Variants in ZNF407 observed in about 807,000 individuals in gnomAD.
ZNF407 encodes the protein zinc finger protein 407.
In ZNF407, 17 loss-of-function variants were observed where a neutral mutation model predicts 131.2. The observed-to-expected ratio is 0.13, with a 90% confidence interval of 0.09 to 0.19. The LOEUF is 0.19. ZNF407 is among the 10% of genes least tolerant of loss of function. The pLI is 1.00. For missense variants in ZNF407, 2,681 were observed against 2,830.6 expected, an observed-to-expected ratio of 0.95 and a Z score of 1.20; for synonymous variants, 1,156 against 1,062.0, an observed-to-expected ratio of 1.09 and a Z score of -1.72.
chr18:74,678,772 G>A (rs1417704351), intron 3 of ZNF407, among the ~76,000 whole-genome samples: 1 of 152,178 alleles, frequency 6.6e-6, no homozygotes, highest in Non-Finnish European at 1.5e-5. Flanking sequence ...TTGGAAATCT[G>A]ACTTAATTGT....
chr18:74,744,190 C>T (rs1234157598), intron 3 of ZNF407, among the ~76,000 whole-genome samples: 1 of 152,132 alleles, frequency 6.6e-6, no homozygotes, highest in African/African-American at 2.4e-5. Context: ...TATGTGTCAT[C>T]TACTTCGCTG....
intron 3 of ZNF407, among the ~76,000 whole-genome samples, chr18:74,674,555 G>A (rs1986279957): frequency 1.3e-5 from 2 of 152,020 alleles, no homozygotes; most frequent in African/African-American, 4.8e-5. Flanking sequence ...TATTATTTTG[G>A]TTTTGTTTAT....
intron 1 of ZNF407, among the ~76,000 whole-genome samples, chr18:74,608,857 C>G (rs1422386172): frequency 6.6e-6 from 1 of 152,108 alleles, no homozygotes; most frequent in Non-Finnish European, 1.5e-5. Flanking sequence ...ATAGATATGT[C>G]TTCTTCTGGT....
chr18:74,919,036 G>A (rs1037580591), intron 7 of ZNF407, among the ~76,000 whole-genome samples: 4 of 152,154 alleles, frequency 2.6e-5, no homozygotes, highest in African/African-American at 9.7e-5. Flanking sequence ...CACTCATGAG[G>A]AACACGTTTG....
intron 4 of ZNF407, among the ~76,000 whole-genome samples, chr18:74,842,197 A>G (rs950922994): frequency 9.9e-5 from 15 of 152,028 alleles, no homozygotes; most frequent in Non-Finnish European, 2.1e-4. Context: ...TCATGGCTAA[A>G]TTGCCCGCAC....
chr18:74,654,651 A>G (rs1985371280), intron 3 of ZNF407, among the ~76,000 whole-genome samples: 1 of 151,918 alleles, frequency 6.6e-6, no homozygotes, highest in Non-Finnish European at 1.5e-5. Flanking sequence ...ATTAAAAATA[A>G]CATGTTAAAC....
chr18:74,928,565 C>CA (rs1477769510), intron 8 of ZNF407, among the ~76,000 whole-genome samples: 1 of 152,108 alleles, frequency 6.6e-6, no homozygotes. Context: ...CAAAGTATGT[C>CA]AAAAAATATA....
chr18:74,910,283 G>A (rs79138861), intron 7 of ZNF407, among the ~76,000 whole-genome samples: 2,335 of 152,080 alleles, frequency 0.015, 64 homozygotes, highest in African/African-American at 0.052. Flanking sequence ...AAAGTAATAC[G>A]TTATTTTAAA....
intron 3 of ZNF407, among the ~76,000 whole-genome samples, chr18:74,780,024 C>CTT (rs11376076): frequency 5.3e-5 from 8 of 151,486 alleles, no homozygotes; most frequent in African/African-American, 9.7e-5. Flanking sequence ...AATTTTTGTA[C>CTT]TTTTTTTTGC....
chr18:75,014,583 G>A (rs777066356), intron 8 of ZNF407, among the ~76,000 whole-genome samples: 12 of 151,932 alleles, frequency 7.9e-5, no homozygotes, highest in Non-Finnish European at 1.5e-4. Context: ...TGTCACCCTC[G>A]TAAGTGGTCA....
chr18:74,696,419 A>G (rs1451559527), intron 3 of ZNF407, among the ~76,000 whole-genome samples: 4 of 152,196 alleles, frequency 2.6e-5, no homozygotes, highest in Admixed American at 1.3e-4. Flanking sequence ...CTTCCTGACA[A>G]TGCTGCCAGG....
At chr18:75,001,633 AG>A (rs1972846743) in intron 8 of ZNF407, among the ~76,000 whole-genome samples, 1 of 152,210 alleles carries the variant, frequency 6.6e-6, no homozygotes, top group African/African-American at 2.4e-5. Context: ...TTTCCTCAAA[AG>A]TTGTCTGAAA....
chr18:74,639,957 T>C (rs1287323223), intron 2 of ZNF407, among the ~76,000 whole-genome samples: 1 of 152,138 alleles, frequency 6.6e-6, no homozygotes, highest in Non-Finnish European at 1.5e-5. Context: ...TTGAGCTCTT[T>C]TTGTATATTT....
intron 3 of ZNF407, among the ~76,000 whole-genome samples, chr18:74,755,773 C>CTTTCTTTCTTTCTT (rs769763395): frequency 0.019 from 2,090 of 112,952 alleles, 28 homozygotes; most frequent in African/African-American, 0.041. Context: ...TTCTTTCTTT[C>CTTTCTTTCTTTCTT]TCTCTCTCTC....
At chr18:74,621,148 C>T (rs1983493673) in intron 1 of ZNF407, among the ~76,000 whole-genome samples, 3 of 151,908 alleles carry the variant, frequency 2.0e-5, no homozygotes, top group Admixed American at 6.6e-5. Context: ...GGGTACATAG[C>T]AGGTGTGTAT....
intron 8 of ZNF407, among the ~76,000 whole-genome samples, chr18:75,012,376 T>TAGCA (rs1972988087): frequency 1.1e-5 from 1 of 92,146 alleles, no homozygotes; most frequent in Non-Finnish European, 2.3e-5. Context: ...ACATAGTGTA[T>TAGCA]GTACACATAG....
chr18:74,718,299 T>C (rs1380589495), intron 3 of ZNF407, among the ~76,000 whole-genome samples: 8 of 151,546 alleles, frequency 5.3e-5, no homozygotes, highest in Admixed American at 3.3e-4. Context: ...TGTGCACTTG[T>C]GTATAAGAGT....
At chr18:74,682,021 C>T (rs1009022382) in intron 3 of ZNF407, among the ~76,000 whole-genome samples, 1 of 152,184 alleles carries the variant, frequency 6.6e-6, no homozygotes, top group African/African-American at 2.4e-5. Context: ...ATTGCCACAT[C>T]TACCAAGAGG....
chr18:74,917,030 GA>G (rs2145235808), intron 7 of ZNF407, among the ~76,000 whole-genome samples: 1 of 152,244 alleles, frequency 6.6e-6, no homozygotes, highest in Non-Finnish European at 1.5e-5. Flanking sequence ...CCAGTGGCAG[GA>G]AGAAGGGTGA....
Sources: gnomAD v4.1 joint callset for allele counts (sites outside exome capture counted in the v4.1 genomes callset) on GRCh38, gnomAD v4.1.1 for gene constraint, MANE v1.5 for transcripts, NCBI Gene and HGNC (gene_info 2026-07-23, HGNC 2026-07-21) for gene names.